SORBS2: variants seen among roughly 807,000 people sequenced by gnomAD.
SORBS2 encodes sorbin and SH3 domain-containing protein 2.
SORBS2 carries 46 observed loss-of-function variants against 97.7 expected under a neutral mutation model. The ratio of observed to expected loss-of-function variants is 0.47; its 90% CI spans 0.37 to 0.60. The LOEUF is 0.60. Among genes scored for constraint, SORBS2 ranks in the 20% least tolerant of loss-of-function variants. The pLI, the probability that SORBS2 is intolerant of heterozygous loss-of-function variation, is 0.00. For missense variants in SORBS2, 1,316 were observed against 1,282.3 expected (o/e 1.03, Z -0.40); for synonymous variants, 476 against 473.4 (o/e 1.01, Z -0.07).
rs376325659 is a variant in SORBS2, at chr4:185,752,209, A to AGCAACATTT, written c.-198+23009_-198+23017dup. Among the ~76,000 whole-genome samples, 1,260 of 152,364 alleles carry AGCAACATTT rather than the reference A, an allele frequency of 8.3e-3. 8 individuals are homozygous for AGCAACATTT. Among genetic ancestry groups the AGCAACATTT allele is most frequent in the Non-Finnish European group, 0.014 (940 of 68,036 alleles). On this transcript the variant is annotated intron_variant, in intron 2 of 20. Transcript: ENST00000284776. ...TATGCATTTATTAAAAACAAATGTA[A>AGCAACATTT]GCAACATTTATTACTGTAGTTAGAA... is the stretch of plus-strand genomic sequence containing the variant.
intron 1 of SORBS2, among the ~76,000 whole-genome samples, chr4:185,841,226 C>T (rs918492691): frequency 6.6e-6 from 1 of 152,114 alleles, no homozygotes; most frequent in African/African-American, 2.4e-5. Flanking sequence ...CAGAGGAGTA[C>T]TTCTGGTAGA....
chr4:185,746,033 G>A (rs2098757660), intron 2 of SORBS2, among the ~76,000 whole-genome samples: 1 of 152,318 alleles, frequency 6.6e-6, no homozygotes, highest in East Asian at 1.9e-4. Context: ...ATAATAGAGG[G>A]AATAACAAAG....
At chr4:185,656,346 C>T (rs1454537136) in intron 1 of SORBS2, among the ~76,000 whole-genome samples, 1 of 152,038 alleles carries the variant, frequency 6.6e-6, no homozygotes, top group Non-Finnish European at 1.5e-5. Context: ...ATATAAAACA[C>T]ATAATCCCCA....
At chr4:185,701,407 A>T (rs1234726276) in intron 2 of SORBS2, among the ~76,000 whole-genome samples, 2 of 152,146 alleles carry the variant, frequency 1.3e-5, no homozygotes, top group Admixed American at 1.3e-4. Flanking sequence ...ACAGGTAGAG[A>T]ATGTCTGTGT....
chr4:185,940,413 A>G (rs1042023017), intron 1 of SORBS2, among the ~76,000 whole-genome samples: 2 of 152,164 alleles, frequency 1.3e-5, no homozygotes, highest in African/African-American at 2.4e-5. Context: ...ATATTCTTCA[A>G]CCATCATACA....
chr4:185,591,921 C>T (rs2095950427), intron 13 of SORBS2: 1 of 152,130 alleles, frequency 6.6e-6, no homozygotes, highest in Non-Finnish European at 1.5e-5. Flanking sequence ...GAAACAAAAA[C>T]AAAACAAAAG....
intron 2 of SORBS2, among the ~76,000 whole-genome samples, chr4:185,749,925 A>G (rs780116414): frequency 2.0e-5 from 3 of 152,232 alleles, no homozygotes; most frequent in Non-Finnish European, 4.4e-5. Flanking sequence ...TCATGGGGCT[A>G]TGGCTTCATT....
chr4:185,766,068 C>T (rs2098932467), intron 2 of SORBS2, among the ~76,000 whole-genome samples: 1 of 152,186 alleles, frequency 6.6e-6, no homozygotes, highest in Non-Finnish European at 1.5e-5. Flanking sequence ...TAAGTTTTCT[C>T]CAAAAGGGAG....
chr4:185,863,550 T>C (rs1459843296), intron 1 of SORBS2, among the ~76,000 whole-genome samples: 1 of 152,252 alleles, frequency 6.6e-6, no homozygotes, highest in African/African-American at 2.4e-5. Flanking sequence ...ACCAGTGCTA[T>C]TGCATAGGAT....
intron 4 of SORBS2, chr4:185,638,889 C>G: frequency 6.8e-7 from 1 of 1,476,306 alleles, no homozygotes; most frequent in South Asian, 1.4e-5. Flanking sequence ...GGGTGGGAGA[C>G]AGAGCCGGGG....
intron 1 of SORBS2, among the ~76,000 whole-genome samples, chr4:185,862,631 T>G (rs182723519): frequency 1.3e-5 from 2 of 152,374 alleles, no homozygotes; most frequent in Admixed American, 1.3e-4. Flanking sequence ...AGCCACTGCC[T>G]GTGATGTATT....
intron 2 of SORBS2, among the ~76,000 whole-genome samples, chr4:185,693,227 G>A (rs1311248950): frequency 6.6e-6 from 1 of 152,110 alleles, no homozygotes; most frequent in Non-Finnish European, 1.5e-5. Flanking sequence ...AACTAAACAG[G>A]CACATTTCTG....
At chr4:185,858,670 A>G (rs1369391450) in intron 1 of SORBS2, among the ~76,000 whole-genome samples, 2 of 152,224 alleles carry the variant, frequency 1.3e-5, no homozygotes, top group African/African-American at 4.8e-5. Flanking sequence ...AAAGAAACCC[A>G]CATCACCTAC....
At chr4:185,868,135 C>T (rs28468439) in intron 1 of SORBS2, among the ~76,000 whole-genome samples, 34,690 of 130,738 alleles carry the variant, frequency 0.27, 5,058 homozygotes, top group East Asian at 0.52. Flanking sequence ...ACTTTCCTTT[C>T]TCTTTTCTTT....
At chr4:185,663,497 A>G (rs1490195082) in intron 4 of SORBS2, among the ~76,000 whole-genome samples, 2 of 152,206 alleles carry the variant, frequency 1.3e-5, no homozygotes, top group African/African-American at 2.4e-5. Flanking sequence ...TTACACTCAT[A>G]TCATAACCAG....
intron 2 of SORBS2, among the ~76,000 whole-genome samples, chr4:185,697,196 A>G (rs1362690565): frequency 6.6e-6 from 1 of 152,196 alleles, no homozygotes; most frequent in Non-Finnish European, 1.5e-5. Flanking sequence ...CATTATTCCC[A>G]TTCACTAATA....
At chr4:185,804,789 T>C (rs2099145928) in intron 1 of SORBS2, among the ~76,000 whole-genome samples, 1 of 152,150 alleles carries the variant, frequency 6.6e-6, no homozygotes, top group Non-Finnish European at 1.5e-5. Context: ...GAATACTAGT[T>C]AATAGGTTTC....
At chr4:185,868,097 G>C (rs1214638334) in intron 1 of SORBS2, among the ~76,000 whole-genome samples, 4 of 150,890 alleles carry the variant, frequency 2.7e-5, no homozygotes, top group Non-Finnish European at 5.9e-5. Flanking sequence ...TAGAGGGGTA[G>C]AGTAACAAAT....
chr4:185,784,157 A>G (rs1040493810), intron 1 of SORBS2, among the ~76,000 whole-genome samples: 2 of 151,984 alleles, frequency 1.3e-5, no homozygotes, highest in Non-Finnish European at 2.9e-5. Flanking sequence ...TTTGAGACGG[A>G]GTCTGGATCT....
Sources: gnomAD v4.1 joint callset for allele counts (sites outside exome capture counted in the v4.1 genomes callset) on GRCh38, gnomAD v4.1.1 for gene constraint, MANE v1.5 for transcripts, NCBI Gene and HGNC (gene_info 2026-07-23, HGNC 2026-07-21) for gene names.